Variants in LCMT1 observed in about 807,000 individuals in gnomAD.
LCMT1 encodes leucine carboxyl methyltransferase 1.
Under a neutral mutation model 47.7 loss-of-function variants are expected in LCMT1, and 32 were observed. The observed-to-expected ratio is 0.67, with a 90% CI of 0.51 to 0.90. LCMT1 has a LOEUF of 0.90. LCMT1 is among the 40% of genes least tolerant of loss of function. The probability of loss-of-function intolerance (pLI) is 0.00; values close to 1 mark genes in which losing one functional copy is unlikely to be tolerated. For synonymous variants in LCMT1, 152 were observed against 149.7 expected (o/e 1.02, Z -0.11); for missense variants, 375 against 415.2 (o/e 0.90, Z 0.84).
At chr16:25,151,458 TG>T in intron 4 of LCMT1, 95 bp from the exon 5 acceptor site, 1 of 1,003,696 alleles carries the variant, frequency 1.0e-6, no homozygotes, top group Non-Finnish European at 1.5e-6. Context: ...TTTGCCATTT[TG>T]GTAGTGAGTG....
At chr16:25,121,469 T>G (rs1959985416) in intron 1 of LCMT1, among the ~76,000 whole-genome samples, 1 of 152,238 alleles carries the variant, frequency 6.6e-6, no homozygotes, top group Admixed American at 6.5e-5. Flanking sequence ...GGTTAATTTT[T>G]TAATCACAGA....
At chr16:25,163,058 C>T (rs1296153079) in intron 6 of LCMT1, among the ~76,000 whole-genome samples, 2 of 152,198 alleles carry the variant, frequency 1.3e-5, no homozygotes, top group East Asian at 3.9e-4. Flanking sequence ...GACAAGGTTT[C>T]ACCATATTGC....
intron 3 of LCMT1, among the ~76,000 whole-genome samples, chr16:25,132,958 A>C (rs1960398140): frequency 6.6e-6 from 1 of 151,794 alleles, no homozygotes; most frequent in Admixed American, 6.6e-5. Flanking sequence ...GCTGGGCTTA[A>C]GCAATTCTCC....
chr16:25,142,024 C>G (rs184063407), intron 4 of LCMT1: 41 of 152,376 alleles, frequency 2.7e-4, no homozygotes, highest in African/African-American at 9.1e-4. Context: ...ACCTAACATG[C>G]ATTCCTTATT....
At chr16:25,112,881 G>A (rs573558321) in intron 1 of LCMT1, among the ~76,000 whole-genome samples, 54 of 152,056 alleles carry the variant, frequency 3.6e-4, no homozygotes, top group Non-Finnish European at 6.5e-4. Context: ...GGTGGTTCAC[G>A]CCTGTAATCC....
rs767703121 is a variant in LCMT1 at position 25,140,189 on chromosome 16, A to G, written c.346A>G (p.Ser116Gly). The change falls in exon 4 of 11, where the codon AGT becomes GGT. Residue 116 changes from serine (S) to glycine (G), a missense_variant. Transcript: ENST00000399069. ...TCCCCAGGATGAAGATCTTCTCCCA[A>G]GTAAATATTTTGAGGTTGACTTTCC... Reference protein sequence around the residue: ...WRLKDEDLLPSKYFEVDFPMI... With the variant: ...WRLKDEDLLPGKYFEVDFPMI... 23 of 1,608,948 alleles carry G rather than the reference A, an allele frequency of 1.4e-5. No homozygotes were observed. Among genetic ancestry groups the G allele is most frequent in the Non-Finnish European group, 2.0e-5 (23 of 1,177,358 alleles).
chr16:25,133,041 G>T (rs1157112211), intron 3 of LCMT1, among the ~76,000 whole-genome samples: 2 of 152,038 alleles, frequency 1.3e-5, no homozygotes, highest in Non-Finnish European at 2.9e-5. Context: ...AAGTTTTTGT[G>T]TAGAGACAGC....
intron 3 of LCMT1, 124 bp from the exon 4 acceptor site, chr16:25,140,047 A>G (rs1673911986): frequency 1.4e-6 from 1 of 696,476 alleles, no homozygotes; most frequent in Non-Finnish European, 2.5e-6. Flanking sequence ...GTCTGCCCAT[A>G]TCAGTCCCCT....
chr16:25,157,117 G>C lies in LCMT1; in HGVS notation c.467-3985G>C, dbSNP rs559979865. Among the ~76,000 whole-genome samples, 274 of 152,088 alleles carry C rather than the reference G, an allele frequency of 1.8e-3. 1 individual carries two copies. The highest frequency in any genetic ancestry group is 2.9e-3 in the Non-Finnish European group (199 of 68,018). Reference sequence around the variant, plus strand: ...TCTCGAAATGCACCTGGCGGTGATGGAAGAGATTATTAGTCATATGATACA... The same window carrying C: ...TCTCGAAATGCACCTGGCGGTGATGCAAGAGATTATTAGTCATATGATACA... On this transcript the variant is annotated intron_variant, in intron 5 of 10. Coordinates refer to ENST00000399069, the MANE Select transcript of LCMT1 (RefSeq NM_016309.3).
intron 8 of LCMT1, 145 bp downstream of exon 8, chr16:25,169,358 A>C (rs1185894662): frequency 3.3e-6 from 2 of 599,876 alleles, no homozygotes; most frequent in African/African-American, 3.7e-5. Context: ...GTGGGCCGCT[A>C]GTTCATGATG....
intron 3 of LCMT1, among the ~76,000 whole-genome samples, chr16:25,133,384 GGTTT>G (rs1960408978): frequency 1.0e-5 from 1 of 95,902 alleles, no homozygotes; most frequent in Non-Finnish European, 2.2e-5. Context: ...CCTGGGCTTA[GGTTT>G]TTTTTTTTTT....
At position 25,161,181 on chromosome 16, in the gene LCMT1, A is replaced by G. The variant is rs190745764; in HGVS notation, c.546A>G (p.Leu182=). ...LRDLSELEEK[L]KKCNMNTQLP... is the part of the protein sequence containing the mutation. ...ACCTGTCTGAACTGGAAGAGAAGCT[A>G]AAGAAATGTAACATGAATACACAGT... is the stretch of plus-strand genomic sequence containing the variant. Residue 182 remains leucine, a synonymous_variant, in exon 6 of 11, where the codon CTA becomes CTG. Coordinates refer to ENST00000399069, the MANE Select transcript of LCMT1 (RefSeq NM_016309.3). 4.5e-5 allele frequency: 72 copies of G among 1,605,424 alleles called. No homozygotes were observed. The highest frequency in any genetic ancestry group is 4.0e-4 in the Admixed American group (24 of 59,324).
intron 3 of LCMT1, among the ~76,000 whole-genome samples, chr16:25,136,977 C>T (rs1960523680): frequency 6.6e-6 from 1 of 152,206 alleles, no homozygotes; most frequent in South Asian, 2.1e-4. Context: ...CTGCAGGGCA[C>T]TATGCTGTCT....
intron 7 of LCMT1, 114 bp downstream of exon 7, chr16:25,164,832 C>G: frequency 7.3e-7 from 1 of 1,371,686 alleles, no homozygotes; most frequent in Non-Finnish European, 1.0e-6. Flanking sequence ...TCCAGCCTCT[C>G]ACATATCTCC....
intron 9 of LCMT1, among the ~76,000 whole-genome samples, chr16:25,173,053 C>G (rs1961821667): frequency 6.6e-6 from 1 of 152,230 alleles, no homozygotes; most frequent in Non-Finnish European, 1.5e-5. Context: ...CCAGGTCGAA[C>G]AGCCTTTCCA....
At chr16:25,141,403 T>C (rs1186130918) in intron 4 of LCMT1, 2 of 152,244 alleles carry the variant, frequency 1.3e-5, no homozygotes, top group African/African-American at 2.4e-5. Flanking sequence ...AGGAGTGCAG[T>C]GGTGCCATCA....
chr16:25,168,376 G>A (rs544542400), intron 7 of LCMT1, among the ~76,000 whole-genome samples: 1 of 152,262 alleles, frequency 6.6e-6, no homozygotes, highest in Admixed American at 6.5e-5. Flanking sequence ...AAGCAATAGT[G>A]TATATACTAC....
intron 2 of LCMT1, among the ~76,000 whole-genome samples, chr16:25,128,829 G>A (rs2055556786): frequency 6.8e-6 from 1 of 147,650 alleles, no homozygotes; most frequent in African/African-American, 2.5e-5. Flanking sequence ...AACACCGCAT[G>A]TTCTCACTCA....
chr16:25,169,490 C>A, intron 8 of LCMT1: 1 of 293,114 alleles, frequency 3.4e-6, no homozygotes, highest in Admixed American at 4.5e-5. Context: ...ACACACACGT[C>A]TCATCACCTA....
Sources: allele counts gnomAD v4.1 joint callset (sites outside exome capture counted in the v4.1 genomes callset), GRCh38; gene constraint gnomAD v4.1.1; transcripts MANE v1.5; gene names NCBI Gene and HGNC (gene_info 2026-07-23, HGNC 2026-07-21).